The following KCND2 variants were observed in gnomAD, a reference collection of about 807,000 sequenced individuals.
The protein encoded by KCND2 is A-type voltage-gated potassium channel KCND2.
A neutral mutation model predicts 54.4 loss-of-function variants in KCND2; 16 were observed. The ratio of observed to expected loss-of-function variants is 0.29; its 90% CI spans 0.20 to 0.45. The LOEUF (loss-of-function observed/expected upper bound fraction) is 0.45, where lower values mean the gene tolerates loss of function less well. Among genes scored for constraint, KCND2 ranks in the 20% least tolerant of loss-of-function variants. The pLI, the probability that KCND2 is intolerant of heterozygous loss-of-function variation, is 1.00. For synonymous variants in KCND2, 317 were observed against 310.7 expected, an observed-to-expected ratio of 1.02 and a Z score of -0.21; for missense variants, 486 against 824.2, an observed-to-expected ratio of 0.59 and a Z score of 5.02.
chr7:120,408,876 C>A (rs1801405336), intron 1 of KCND2, among the ~76,000 whole-genome samples: 1 of 151,638 alleles, frequency 6.6e-6, no homozygotes, highest in Admixed American at 6.6e-5. Flanking sequence ...CTTGAATATG[C>A]AATATGTGGA....
At chr7:120,742,466 T>C (rs750896894) in intron 3 of KCND2, 44 bp from the exon 4 acceptor site, 1 of 1,502,764 alleles carries the variant, frequency 6.7e-7, no homozygotes, top group South Asian at 1.1e-5. Flanking sequence ...TCGAGTTGTT[T>C]GCAAATAAAA....
At position 120,536,566 on chromosome 7, in the gene KCND2, A is replaced by G. The variant is rs560859078; in HGVS notation, c.1116-196337A>G. ...ATTGCTTTATCAACAAAATTTGTGT[A>G]ATATCCTAAAGCCTTTGTTGTCATT... On this transcript the variant is annotated intron_variant, in intron 1 of 5. Coordinates refer to ENST00000331113, the MANE Select transcript of KCND2 (RefSeq NM_012281.3). Among the ~76,000 whole-genome samples the G allele has an allele frequency of 9.2e-5, 14 of 152,334 alleles. No individual in the cohort carries two copies. In the East Asian group the frequency reaches 2.7e-3, roughly 29 times the overall value.
chr7:120,356,183 C>T (rs887401504), intron 1 of KCND2, among the ~76,000 whole-genome samples: 13 of 151,722 alleles, frequency 8.6e-5, no homozygotes, highest in African/African-American at 2.4e-4. Flanking sequence ...TATGCCAACC[C>T]CATATGACTA....
In KCND2 at chr7:120,373,395, C is replaced by A. The variant is rs1045104275; in HGVS notation, c.1115+97648C>A. Among the ~76,000 whole-genome samples the A allele has an allele frequency of 2.6e-5, 4 of 151,866 alleles. No homozygotes were observed. In the Admixed American group the frequency reaches 2.6e-4, roughly 10 times the overall value. ...AATAGCCAGTGTACATTCATCATAT[C>A]ACATTGGAAAGCAGGAAACTATAAG... On this transcript the variant is annotated intron_variant, in intron 1 of 5. Transcript: ENST00000331113.
intron 1 of KCND2, among the ~76,000 whole-genome samples, chr7:120,527,040 C>A (rs543729358): frequency 1.3e-5 from 2 of 152,202 alleles, no homozygotes; most frequent in African/African-American, 4.8e-5. Flanking sequence ...ACATCAGATT[C>A]ATTGAGTAAT....
intron 1 of KCND2, among the ~76,000 whole-genome samples, chr7:120,669,867 A>G (rs1014221538): frequency 6.6e-6 from 1 of 152,150 alleles, no homozygotes; most frequent in Non-Finnish European, 1.5e-5. Context: ...TAGCAAAAAC[A>G]GTAATAATAA....
At position 120,441,797 on chromosome 7, in the gene KCND2, G is replaced by A. The variant is rs554504085; in HGVS notation, c.1115+166050G>A. On this transcript the variant is annotated intron_variant, in intron 1 of 5. Coordinates refer to ENST00000331113, the MANE Select transcript of KCND2 (RefSeq NM_012281.3). ...TATGCTTATCGGAGATAAAGAATGT[G>A]CTTAAAATTTATGGTTATGCCACAC... 5.1e-4 allele frequency among the ~76,000 whole-genome samples: 78 copies of A among 152,148 alleles called. 2 individuals are homozygous for A. The South Asian group carries it at 0.016, about 32-fold the overall frequency.
At chr7:120,515,528 G>C (rs554820370) in intron 1 of KCND2, among the ~76,000 whole-genome samples, 1 of 152,210 alleles carries the variant, frequency 6.6e-6, no homozygotes, top group South Asian at 2.1e-4. Flanking sequence ...AGAAAAGATT[G>C]GGAGTATTAG....
At chr7:120,389,127 A>AG (rs1156809102) in intron 1 of KCND2, among the ~76,000 whole-genome samples, 1 of 151,870 alleles carries the variant, frequency 6.6e-6, no homozygotes, top group Non-Finnish European at 1.5e-5. Flanking sequence ...ATTGCCAAAT[A>AG]GGGGAAAAAA....
intron 1 of KCND2, among the ~76,000 whole-genome samples, chr7:120,380,739 A>G (rs1800906308): frequency 1.3e-5 from 2 of 151,992 alleles, no homozygotes; most frequent in South Asian, 2.1e-4. Context: ...ATCATTGACC[A>G]TATCGTAAAA....
At chr7:120,494,070 C>T (rs145418875) in intron 1 of KCND2, among the ~76,000 whole-genome samples, 36 of 151,928 alleles carry the variant, frequency 2.4e-4, no homozygotes, top group African/African-American at 6.8e-4. Flanking sequence ...AAAGATAGGA[C>T]GACCTAAACA....
intron 1 of KCND2, among the ~76,000 whole-genome samples, chr7:120,497,575 G>C (rs772142723): frequency 5.3e-5 from 8 of 152,166 alleles, no homozygotes; most frequent in Non-Finnish European, 1.0e-4. Context: ...AGGATTCCAT[G>C]TACCTTCCAG....
chr7:120,404,774 G>GT (rs988850914), intron 1 of KCND2, among the ~76,000 whole-genome samples: 1 of 25,704 alleles, frequency 3.9e-5, no homozygotes, highest in Non-Finnish European at 7.2e-5. Flanking sequence ...TTTGGGGGGG[G>GT]ACCTTTGTGA....
At chr7:120,675,381 T>C (rs554236873) in intron 1 of KCND2, among the ~76,000 whole-genome samples, 1 of 151,938 alleles carries the variant, frequency 6.6e-6, no homozygotes, top group Non-Finnish European at 1.5e-5. Flanking sequence ...TGCACCACCA[T>C]GCCCAGCTAA....
chr7:120,660,518 C>T (rs1216927413), intron 1 of KCND2, among the ~76,000 whole-genome samples: 1 of 152,038 alleles, frequency 6.6e-6, no homozygotes, highest in Non-Finnish European at 1.5e-5. Flanking sequence ...TTTGTTTAGC[C>T]TTAGTTTGCT....
chr7:120,542,424 T>C (rs1791990044), intron 1 of KCND2, among the ~76,000 whole-genome samples: 1 of 152,188 alleles, frequency 6.6e-6, no homozygotes, highest in Non-Finnish European at 1.5e-5. Flanking sequence ...TTTATTCTTC[T>C]CCAAGTGTAT....
intron 1 of KCND2, among the ~76,000 whole-genome samples, chr7:120,658,434 A>C (rs1791828490): frequency 6.6e-6 from 1 of 152,242 alleles, no homozygotes; most frequent in Admixed American, 6.5e-5. Context: ...ACTAAGTGAC[A>C]TGGGATTTAA....
intron 1 of KCND2, among the ~76,000 whole-genome samples, chr7:120,427,447 C>T (rs796819126): frequency 6.6e-5 from 10 of 152,244 alleles, no homozygotes; most frequent in African/African-American, 2.4e-4. Context: ...TTAGTCTTTA[C>T]ATTAGAACAT....
intron 1 of KCND2, among the ~76,000 whole-genome samples, chr7:120,430,104 G>A (rs897354646): frequency 6.6e-6 from 1 of 152,070 alleles, no homozygotes; most frequent in Non-Finnish European, 1.5e-5. Flanking sequence ...AGCCTGGGAG[G>A]GTTAAACAAC....
Sources: allele counts gnomAD v4.1 joint callset (sites outside exome capture counted in the v4.1 genomes callset), GRCh38; gene constraint gnomAD v4.1.1; transcripts MANE v1.5; gene names NCBI Gene and HGNC (gene_info 2026-07-23, HGNC 2026-07-21).